The following CLMP variants were observed in gnomAD, a reference collection of about 807,000 sequenced individuals.
CLMP encodes the protein CXADR-like membrane protein.
A neutral mutation model predicts 45.2 loss-of-function variants in CLMP; 27 were observed. The observed-to-expected ratio is 0.60, with a 90% CI of 0.44 to 0.82. The LOEUF (loss-of-function observed/expected upper bound fraction) is 0.82, where lower values mean the gene tolerates loss of function less well. Among genes scored for constraint, CLMP ranks in the 40% least tolerant of loss-of-function variants. CLMP has a pLI of 0.00. For synonymous variants in CLMP, 167 were observed against 171.4 expected, an observed-to-expected ratio of 0.97 and a Z score of 0.20; for missense variants, 403 against 448.4, an observed-to-expected ratio of 0.90 and a Z score of 0.91.
chr11:123,148,890 G>A (rs189203087), intron 1 of CLMP, among the ~76,000 whole-genome samples: 87 of 152,174 alleles, frequency 5.7e-4, no homozygotes, highest in African/African-American at 1.9e-3. Context: ...CTAATGCCTC[G>A]GCTTCTAGAA....
intron 1 of CLMP, among the ~76,000 whole-genome samples, chr11:123,145,432 G>A (rs149130489): frequency 4.7e-5 from 7 of 149,536 alleles, no homozygotes; most frequent in African/African-American, 1.7e-4. Flanking sequence ...TGCTCCATGA[G>A]TGGGTTCAGC....
rs1337247916 is a variant in CLMP at position 123,106,420 on chromosome 11, TGTGTGCGCGCGCGC to T, written c.29-8482_29-8469del. On this transcript the variant is annotated intron_variant, in intron 1 of 6. Coordinates refer to ENST00000448775, the MANE Select transcript of CLMP (RefSeq NM_024769.5). Reference sequence around the variant, plus strand: ...GTGTGTGTGTGTGTGTGTGTGTGTGTGTGTGCGCGCGCGCGCGCGCACGTGCCTGCCTTCCAGAT... The same window carrying T: ...GTGTGTGTGTGTGTGTGTGTGTGTGTGCGCGCACGTGCCTGCCTTCCAGAT... Among the ~76,000 whole-genome samples, 110 of 106,944 alleles carry T rather than the reference TGTGTGCGCGCGCGC, an allele frequency of 1.0e-3. 1 individual carries two copies. The highest frequency in any genetic ancestry group is 1.4e-3 in the African/African-American group (36 of 25,572). The allele number at this position is 106,944 out of a possible 152,430, so 70.2% of individuals were successfully genotyped here.
chr11:123,166,593 G>A (rs1194727679), intron 1 of CLMP, among the ~76,000 whole-genome samples: 1 of 152,224 alleles, frequency 6.6e-6, no homozygotes, highest in Non-Finnish European at 1.5e-5. Flanking sequence ...ACATGGTGCA[G>A]CCTGAATGTG....
chr11:123,091,325 A>G (rs1865929813), intron 2 of CLMP, among the ~76,000 whole-genome samples: 1 of 152,170 alleles, frequency 6.6e-6, no homozygotes, highest in Non-Finnish European at 1.5e-5. Context: ...AGCTGGTCTC[A>G]AACCCCTGAC....
At chr11:123,185,775 A>AG (rs201698316) in intron 1 of CLMP, among the ~76,000 whole-genome samples, 262 of 152,326 alleles carry the variant, frequency 1.7e-3, no homozygotes, top group Middle Eastern at 6.8e-3. Flanking sequence ...TTTAATGAGG[A>AG]GAAAAAATCG....
chr11:123,145,465 T>G (rs1565396101), intron 1 of CLMP, among the ~76,000 whole-genome samples: 1 of 136,324 alleles, frequency 7.3e-6, no homozygotes, highest in East Asian at 2.3e-4. Flanking sequence ...TTTTTTTTTT[T>G]TTTTTTTTTT....
intron 1 of CLMP, among the ~76,000 whole-genome samples, chr11:123,150,476 AAAGAAAGGAAGGAAGGAAGGAAGG>A (rs1861306380): frequency 6.6e-5 from 4 of 60,682 alleles, no homozygotes; most frequent in Admixed American, 4.7e-4. Flanking sequence ...AGAAAGAAAG[AAAGAAAGGAAGGAAGGAAGGAAGG>A]AAGGAAGGAA....
rs1865654331 is a variant in CLMP, at chr11:123,070,051, G to A, written c.*3423C>T. On this transcript the variant is annotated 3_prime_UTR_variant, in exon 7 of 7. Transcript: ENST00000448775. ...AAACTATATATGTCTTTTTGCAACA[G>A]CAGTTCCGAAATTGTTTTTATACAC... is the stretch of plus-strand genomic sequence containing the variant. 6.6e-6 allele frequency: 1 copy of A among 152,124 alleles called. No homozygotes were observed. Among genetic ancestry groups the A allele is most frequent in the South Asian group, 2.1e-4 (1 of 4,828 alleles). The allele number at this position is 152,124 out of a possible 1,614,324, so 9.4% of individuals were successfully genotyped here. A position where few individuals can be genotyped will look rare whatever the true frequency, so the allele number is the denominator to read the frequency against.
intron 1 of CLMP, among the ~76,000 whole-genome samples, chr11:123,123,671 G>A (rs1319852570): frequency 6.6e-6 from 1 of 152,184 alleles, no homozygotes; most frequent in Non-Finnish European, 1.5e-5. Flanking sequence ...CCCGCAATGA[G>A]ACCATGTATT....
chr11:123,154,386 G>C (rs987571166), intron 1 of CLMP, among the ~76,000 whole-genome samples: 1 of 152,208 alleles, frequency 6.6e-6, no homozygotes, highest in African/African-American at 2.4e-5. Flanking sequence ...GCCCAGCATG[G>C]AGGCCACCTA....
chr11:123,165,886 C>A (rs1190032226), intron 1 of CLMP, among the ~76,000 whole-genome samples: 2 of 152,186 alleles, frequency 1.3e-5, no homozygotes, highest in Non-Finnish European at 2.9e-5. Flanking sequence ...GGCCGGCCTT[C>A]CCACAGTCAG....
intron 1 of CLMP, among the ~76,000 whole-genome samples, chr11:123,118,393 C>T (rs1030651821): frequency 6.6e-6 from 1 of 152,182 alleles, no homozygotes; most frequent in African/African-American, 2.4e-5. Context: ...CCTTGGCCTC[C>T]CAAAGTGCTG....
intron 2 of CLMP, among the ~76,000 whole-genome samples, chr11:123,092,532 G>C (rs938692915): frequency 1.3e-5 from 2 of 152,116 alleles, no homozygotes; most frequent in African/African-American, 2.4e-5. Flanking sequence ...TCTTGACCTT[G>C]TGATCCACCC....
intron 1 of CLMP, among the ~76,000 whole-genome samples, chr11:123,132,894 C>T (rs1462467960): frequency 6.6e-6 from 1 of 152,014 alleles, no homozygotes; most frequent in East Asian, 1.9e-4. Context: ...ATTCTCCCAC[C>T]TCAGCCTTGC....
At chr11:123,135,078 G>A (rs1861051286) in intron 1 of CLMP, among the ~76,000 whole-genome samples, 1 of 151,996 alleles carries the variant, frequency 6.6e-6, no homozygotes, top group South Asian at 2.1e-4. Flanking sequence ...TGGCCAACAT[G>A]GTGAAACCCC....
intron 1 of CLMP, among the ~76,000 whole-genome samples, chr11:123,130,190 G>A (rs1430220422): frequency 1.3e-5 from 2 of 152,164 alleles, no homozygotes; most frequent in African/African-American, 4.8e-5. Context: ...ACACTGCATG[G>A]TATTCATCTT....
intron 1 of CLMP, among the ~76,000 whole-genome samples, chr11:123,125,464 C>T (rs1410175710): frequency 5.6e-5 from 7 of 124,212 alleles, no homozygotes; most frequent in Non-Finnish European, 3.4e-5. Context: ...CCCTCCCTCC[C>T]TCCTCCCTCC....
At chr11:123,124,721 G>A (rs181487098) in intron 1 of CLMP, among the ~76,000 whole-genome samples, 13 of 152,226 alleles carry the variant, frequency 8.5e-5, no homozygotes, top group Non-Finnish European at 1.6e-4. Flanking sequence ...TCCTTATTTT[G>A]TCCTTCTCAG....
chr11:123,159,409 G>A (rs1861456358), intron 1 of CLMP, among the ~76,000 whole-genome samples: 1 of 152,148 alleles, frequency 6.6e-6, no homozygotes, highest in Non-Finnish European at 1.5e-5. Flanking sequence ...GGGTGAGGAG[G>A]CTACAGTGTG....
Sources: allele counts gnomAD v4.1 joint callset (sites outside exome capture counted in the v4.1 genomes callset), GRCh38; gene constraint gnomAD v4.1.1; transcripts MANE v1.5; gene names NCBI Gene and HGNC (gene_info 2026-07-23, HGNC 2026-07-21).